Variants in PTPRA observed in about 807,000 individuals in gnomAD.
PTPRA encodes the protein receptor-type tyrosine-protein phosphatase alpha.
In PTPRA, 25 loss-of-function variants were observed where a neutral mutation model predicts 104.8. The observed-to-expected ratio is 0.24, with a 90% CI of 0.17 to 0.33. The LOEUF is 0.33. Among genes scored for constraint, PTPRA ranks in the 10% least tolerant of loss-of-function variants. The pLI is 1.00. For synonymous variants in PTPRA, 323 were observed against 368.9 expected, an observed-to-expected ratio of 0.88 and a Z score of 1.43; for missense variants, 765 against 1,015.3, an observed-to-expected ratio of 0.75 and a Z score of 3.35.
chr20:2,865,515 C>G, the PTPRA span: 1 of 1,608,082 alleles, frequency 6.2e-7, no homozygotes, highest in Non-Finnish European at 8.5e-7. The surrounding 1 kb of genome is among the most constrained non-coding windows in gnomAD (Gnocchi z 5.2). Flanking sequence ...GGTCCTCCCT[C>G]CAGCCCACTT....
chr20:3,010,906 T>C (rs6051526), intron 11 of PTPRA, among the ~76,000 whole-genome samples: 3,389 of 152,280 alleles, frequency 0.022, 99 homozygotes, highest in African/African-American at 0.064. Flanking sequence ...CCAAACAAAA[T>C]TGTGGCTCTA....
At chr20:2,902,373 C>T (rs1175925344) in intron 1 of PTPRA, among the ~76,000 whole-genome samples, 6 of 152,224 alleles carry the variant, frequency 3.9e-5, no homozygotes, top group African/African-American at 1.4e-4. Context: ...TTTCTTTTTT[C>T]CCTACTCCCT....
the PTPRA span, chr20:2,865,163 A>G: frequency 1.9e-6 from 3 of 1,614,116 alleles, no homozygotes; most frequent in Admixed American, 5.0e-5. This position sits in a 1 kb window ranked among gnomAD's most constrained non-coding sequence, Gnocchi z 5.2. Context: ...AGAGGATCAA[A>G]TGCGGCTCCT....
chr20:2,918,129 G>A (rs1470616130), intron 1 of PTPRA, among the ~76,000 whole-genome samples: 2 of 151,546 alleles, frequency 1.3e-5, no homozygotes, highest in Non-Finnish European at 2.9e-5. Flanking sequence ...TTTAAAGATG[G>A]AGTTTAGTAT....
intron 1 of PTPRA, among the ~76,000 whole-genome samples, chr20:2,880,545 A>G (rs529135394): frequency 1.8e-4 from 27 of 152,338 alleles, no homozygotes; most frequent in African/African-American, 6.3e-4. Flanking sequence ...AATACTAATA[A>G]TACAAGCACA....
rs1396945255 is a variant in PTPRA, at chr20:3,037,705, TAGG to T, written c.2335-350_2335-348del. ...TTGGGGGGTAAAGAAAAGTGAATGT[TAGG>T]AGGTTTGGGAGACGAGGTTCTGAGA... is the stretch of plus-strand genomic sequence containing the variant. On this transcript the variant is annotated intron_variant, in intron 23 of 23. Coordinates refer to ENST00000399903, the MANE Select transcript of PTPRA (RefSeq NM_001385305.1). This position sits in a 1 kb window ranked among gnomAD's most constrained non-coding sequence, Gnocchi z 4.3. 6.6e-6 allele frequency among the ~76,000 whole-genome samples: 1 copy of T among 152,170 alleles called. No individual in the cohort carries two copies. The highest frequency in any genetic ancestry group is 1.5e-5 in the Non-Finnish European group (1 of 68,018).
upstream of PTPRA, among the ~76,000 whole-genome samples, chr20:2,870,237 G>A (rs1212975155): frequency 2.6e-5 from 4 of 151,376 alleles, no homozygotes; most frequent in East Asian, 2.0e-4. Context: ...GCGTGGTGGC[G>A]CATGCCTGTA....
chr20:3,018,820 A>C (rs2064623938), intron 13 of PTPRA, among the ~76,000 whole-genome samples: 1 of 102,654 alleles, frequency 9.7e-6, no homozygotes, highest in Non-Finnish European at 1.8e-5. Flanking sequence ...GGCGCCCCTC[A>C]CCTCCCGGAC....
At chr20:2,920,825 T>C (rs2060071705) in intron 1 of PTPRA, among the ~76,000 whole-genome samples, 1 of 151,964 alleles carries the variant, frequency 6.6e-6, no homozygotes, top group Non-Finnish European at 1.5e-5. Flanking sequence ...GAATGTAGTT[T>C]GTTCTAGAGA....
In PTPRA at chr20:2,984,960, C is replaced by A. The variant is rs550634841; in HGVS notation, c.443-1805C>A. On this transcript the variant is annotated intron_variant, in intron 6 of 23. Coordinates refer to ENST00000399903, the MANE Select transcript of PTPRA (RefSeq NM_001385305.1). ...CTCTCTCCCCACCCTGCTTTTTATT[C>A]CTCATAGCACTTGTCCCTGTCTAAA... 3.3e-5 allele frequency among the ~76,000 whole-genome samples: 5 copies of A among 152,322 alleles called. No homozygotes were observed. In the South Asian group the frequency reaches 1.0e-3, roughly 32 times the overall value.
At chr20:3,004,575 G>T (rs2063779518) in intron 9 of PTPRA, among the ~76,000 whole-genome samples, 1 of 151,238 alleles carries the variant, frequency 6.6e-6, no homozygotes, top group South Asian at 2.1e-4. Flanking sequence ...AGAGGCTGGG[G>T]TGCCATGCCC....
intron 5 of PTPRA, among the ~76,000 whole-genome samples, chr20:2,967,349 C>T (rs2061983135): frequency 6.6e-6 from 1 of 152,164 alleles, no homozygotes; most frequent in Non-Finnish European, 1.5e-5. Flanking sequence ...CATTATCGCA[C>T]ATGGGAATTT....
chr20:2,994,989 G>T (rs1330166930), intron 9 of PTPRA, among the ~76,000 whole-genome samples: 4 of 152,146 alleles, frequency 2.6e-5, no homozygotes, highest in African/African-American at 7.2e-5. Flanking sequence ...AATTAGCCGG[G>T]CATGGTGGTG....
intron 1 of PTPRA, among the ~76,000 whole-genome samples, chr20:2,891,415 G>A (rs765284514): frequency 1.6e-4 from 24 of 152,018 alleles, no homozygotes; most frequent in Non-Finnish European, 2.6e-4. Context: ...GCCCACTGCC[G>A]CTTGATCCTT....
Position 2,949,135 on chromosome 20 carries a change from T to C in PTPRA, c.-7+1111T>C, listed in dbSNP as rs573840851. Among the ~76,000 whole-genome samples the C allele has an allele frequency of 3.3e-5, 5 of 152,220 alleles. No homozygotes were observed. In the East Asian group the frequency reaches 9.7e-4, roughly 29 times the overall value. ...GTACCTTCCCTTCCTTCCCATCTGA[T>C]TCCTTATCAGTATTTACACATGATT... On this transcript the variant is annotated intron_variant, in intron 3 of 23. Coordinates refer to ENST00000399903, the MANE Select transcript of PTPRA (RefSeq NM_001385305.1).
intron 5 of PTPRA, 67 bp downstream of exon 5, chr20:2,965,269 G>A (rs1600184082): frequency 7.1e-7 from 1 of 1,415,984 alleles, no homozygotes; most frequent in Non-Finnish European, 9.5e-7. Flanking sequence ...TATCTTGTTT[G>A]TGTTTTCTAG....
chr20:2,868,288 C>T, the PTPRA span, among the ~76,000 whole-genome samples: 2 of 145,814 alleles, frequency 1.4e-5, no homozygotes, highest in East Asian at 4.1e-4. Context: ...CCACCAATTT[C>T]AAGGGGAAAT....
rs1424727266 is a variant in PTPRA at position 2,998,642 on chromosome 20, T to G, written c.739-6414T>G. Among the ~76,000 whole-genome samples the G allele has an allele frequency of 3.3e-5, 5 of 152,174 alleles. No individual in the cohort carries two copies. The East Asian group carries it at 9.6e-4, about 29-fold the overall frequency. Reference sequence around the variant, plus strand: ...TTTTAAACAGAACTGTTCCAAGACCTACCTTGGAAGGTAGTAAATTTCCCA... The same window carrying G: ...TTTTAAACAGAACTGTTCCAAGACCGACCTTGGAAGGTAGTAAATTTCCCA... On this transcript the variant is annotated intron_variant, in intron 9 of 23. Coordinates refer to ENST00000399903, the MANE Select transcript of PTPRA (RefSeq NM_001385305.1).
intron 13 of PTPRA, among the ~76,000 whole-genome samples, chr20:3,020,666 C>T (rs1484364088): frequency 1.7e-4 from 26 of 152,188 alleles, no homozygotes; most frequent in Admixed American, 1.7e-3. Flanking sequence ...GTCCTGGGGT[C>T]GAGCCCCAGC....
Sources: gnomAD v4.1 joint callset for allele counts (sites outside exome capture counted in the v4.1 genomes callset) on GRCh38, gnomAD v4.1.1 for gene constraint, Gnocchi (gnomAD v3.1) non-coding constraint, MANE v1.5 for transcripts, NCBI Gene and HGNC (gene_info 2026-07-23, HGNC 2026-07-21) for gene names.